MACROD2: variants seen among roughly 807,000 people sequenced by gnomAD.
MACROD2 encodes the protein ADP-ribose glycohydrolase MACROD2.
A neutral mutation model predicts 70.4 loss-of-function variants in MACROD2; 36 were observed. That is an observed-to-expected ratio of 0.51 (90% CI 0.39 to 0.68). The LOEUF is 0.68. Ranked by LOEUF, MACROD2 falls within the 30% of genes least tolerant of loss-of-function variation. The pLI, the probability that MACROD2 is intolerant of heterozygous loss-of-function variation, is 0.00. For missense variants in MACROD2, 496 were observed against 538.4 expected, an observed-to-expected ratio of 0.92 and a Z score of 0.78; for synonymous variants, 172 against 178.8, an observed-to-expected ratio of 0.96 and a Z score of 0.30.
intron 5 of MACROD2, among the ~76,000 whole-genome samples, chr20:15,178,259 C>G (rs930737784): frequency 1.3e-5 from 2 of 152,158 alleles, no homozygotes; most frequent in African/African-American, 4.8e-5. Flanking sequence ...TGGGGACTGT[C>G]TCATGCAGGT....
chr20:14,067,980 A>T (rs1005559831), intron 2 of MACROD2, among the ~76,000 whole-genome samples: 3 of 152,214 alleles, frequency 2.0e-5, no homozygotes, highest in Non-Finnish European at 4.4e-5. Flanking sequence ...AACCATTCAA[A>T]ATATTAACAT....
intron 4 of MACROD2, among the ~76,000 whole-genome samples, chr20:14,530,840 T>A (rs2085294522): frequency 6.6e-6 from 1 of 152,188 alleles, no homozygotes; most frequent in South Asian, 2.1e-4. Flanking sequence ...AGAGAATCAT[T>A]GTTCAAAATC....
chr20:15,390,123 C>T (rs1357394670), intron 6 of MACROD2, among the ~76,000 whole-genome samples: 2 of 152,158 alleles, frequency 1.3e-5, no homozygotes, highest in African/African-American at 4.8e-5. Flanking sequence ...CAAACTCCTT[C>T]AGGGTCTTAA....
intron 9 of MACROD2, among the ~76,000 whole-genome samples, chr20:15,870,612 C>T (rs2147180015): frequency 6.6e-6 from 1 of 152,220 alleles, no homozygotes; most frequent in East Asian, 1.9e-4. Context: ...TTTGTGATGT[C>T]TTCCACCATG....
intron 6 of MACROD2, among the ~76,000 whole-genome samples, chr20:15,273,506 T>G (rs1431590770): frequency 1.3e-5 from 2 of 152,128 alleles, no homozygotes; most frequent in Non-Finnish European, 2.9e-5. Context: ...AGCTAATGCT[T>G]TCTCTACAAT....
chr20:14,411,341 C>T (rs1265751424), intron 3 of MACROD2, among the ~76,000 whole-genome samples: 12 of 152,126 alleles, frequency 7.9e-5, no homozygotes, highest in African/African-American at 2.2e-4. Flanking sequence ...AGTTAGTCAC[C>T]GGCATGCTTT....
chr20:15,996,565 A>C (rs530651658), intron 15 of MACROD2, among the ~76,000 whole-genome samples: 2 of 152,034 alleles, frequency 1.3e-5, no homozygotes, highest in South Asian at 4.2e-4. Context: ...AAATCAGGTA[A>C]TCTGTTTTAT....
At chr20:14,419,570 C>G (rs1295308158) in intron 3 of MACROD2, among the ~76,000 whole-genome samples, 1 of 152,140 alleles carries the variant, frequency 6.6e-6, no homozygotes, top group Non-Finnish European at 1.5e-5. Context: ...TCCTCCCGCT[C>G]TAGCTGCTAT....
At chr20:15,424,368 G>T (rs1296982196) in intron 6 of MACROD2, among the ~76,000 whole-genome samples, 1 of 152,092 alleles carries the variant, frequency 6.6e-6, no homozygotes, top group Non-Finnish European at 1.5e-5. Context: ...AGTATATACT[G>T]CACCCTAGTT....
chr20:14,864,291 C>T (rs1054955086), intron 5 of MACROD2, among the ~76,000 whole-genome samples: 6 of 152,044 alleles, frequency 3.9e-5, no homozygotes, highest in Non-Finnish European at 7.4e-5. Flanking sequence ...AGCAACCTGA[C>T]TTTTGTCTTT....
intron 8 of MACROD2, among the ~76,000 whole-genome samples, chr20:15,587,784 T>G (rs1476965711): frequency 6.6e-6 from 1 of 152,182 alleles, no homozygotes; most frequent in Non-Finnish European, 1.5e-5. Context: ...TGGGTTCCCA[T>G]GGTCTTGGGC....
chr20:15,380,819 G>C (rs1028156049), intron 6 of MACROD2, among the ~76,000 whole-genome samples: 1 of 152,194 alleles, frequency 6.6e-6, no homozygotes, highest in African/African-American at 2.4e-5. Flanking sequence ...TGTTGTGTCA[G>C]TAGCTATAAC....
chr20:15,442,253 C>G (rs970352680), intron 7 of MACROD2, among the ~76,000 whole-genome samples: 4 of 152,118 alleles, frequency 2.6e-5, no homozygotes, highest in African/African-American at 9.7e-5. Flanking sequence ...CAATGATACT[C>G]TTTTAAAAAT....
At chr20:15,311,210 A>T (rs2077748543) in intron 6 of MACROD2, among the ~76,000 whole-genome samples, 1 of 152,176 alleles carries the variant, frequency 6.6e-6, no homozygotes, top group Admixed American at 6.6e-5. Flanking sequence ...AGTATTAATG[A>T]TGAAAAAAAA....
intron 4 of MACROD2, among the ~76,000 whole-genome samples, chr20:14,613,372 G>A (rs774456815): frequency 5.9e-5 from 9 of 152,006 alleles, no homozygotes; most frequent in Non-Finnish European, 7.4e-5. Context: ...AGTATTTTAC[G>A]GTGGGCTGGA....
Position 14,694,342 on chromosome 20 carries a change from G to A in MACROD2, c.418+9383G>A, listed in dbSNP as rs150494799. Among the ~76,000 whole-genome samples the A allele has an allele frequency of 7.2e-3, 1,090 of 152,164 alleles. 16 individuals are homozygous for A. The highest frequency in any genetic ancestry group is 0.034 in the Middle Eastern group (10 of 294). On this transcript the variant is annotated intron_variant, in intron 5 of 17. Transcript: ENST00000684519. The stretch of plus-strand genomic sequence containing the variant: ...TCAGAATTTTACAGATAAAGTAACC[G>A]AGGCCTAGGAAAATTACTTAATTTT...
chr20:15,018,945 C>T (rs923012317), intron 5 of MACROD2, among the ~76,000 whole-genome samples: 8 of 152,170 alleles, frequency 5.3e-5, no homozygotes, highest in East Asian at 1.9e-4. Flanking sequence ...AGGCATCCCT[C>T]GAAGCTGAGC....
rs564508975 is a variant in MACROD2, at chr20:15,253,758, G to A, written c.540+23697G>A. ...AGGTCACAATCTTTATTCTTGCTTA[G>A]TGAAGAGAGAATCGACTGAGCTACA... On this transcript the variant is annotated intron_variant, in intron 6 of 17. Transcript: ENST00000684519. 5.9e-5 allele frequency among the ~76,000 whole-genome samples: 9 copies of A among 152,278 alleles called. 1 individual carries two copies. Among genetic ancestry groups the A allele is most frequent in the Admixed American group, 5.9e-4 (9 of 15,284 alleles).
intron 5 of MACROD2, among the ~76,000 whole-genome samples, chr20:14,798,099 T>C (rs369066753): frequency 1.5e-4 from 23 of 152,206 alleles, no homozygotes; most frequent in African/African-American, 5.3e-4. Context: ...TGGGGCTCTA[T>C]GGACAAGTAA....
Sources: gnomAD v4.1 joint callset for allele counts (sites outside exome capture counted in the v4.1 genomes callset) on GRCh38, gnomAD v4.1.1 for gene constraint, MANE v1.5 for transcripts, NCBI Gene and HGNC (gene_info 2026-07-23, HGNC 2026-07-21) for gene names.